Variants in PALLD observed in about 807,000 individuals in gnomAD.
PALLD encodes the protein palladin.
PALLD carries 61 observed loss-of-function variants against 123.5 expected under a neutral mutation model. The ratio of observed to expected loss-of-function variants is 0.49; its 90% CI spans 0.40 to 0.61. The LOEUF (loss-of-function observed/expected upper bound fraction) is 0.61. Ranked by LOEUF, PALLD falls within the 20% of genes least tolerant of loss-of-function variation. PALLD has a pLI of 0.00. For synonymous variants in PALLD, 465 were observed against 496.4 expected, an observed-to-expected ratio of 0.94 and a Z score of 0.84; for missense variants, 1,273 against 1,377.0, an observed-to-expected ratio of 0.92 and a Z score of 1.20.
At chr4:168,872,840 T>C (rs778004663) in intron 10 of PALLD, among the ~76,000 whole-genome samples, 33 of 152,344 alleles carry the variant, frequency 2.2e-4, no homozygotes, top group Non-Finnish European at 3.5e-4. Context: ...CTCTGAGTAA[T>C]AGAATTTTAA....
chr4:168,550,362 T>C (rs1766603303), intron 2 of PALLD, among the ~76,000 whole-genome samples: 1 of 152,182 alleles, frequency 6.6e-6, no homozygotes, highest in South Asian at 2.1e-4. Flanking sequence ...AATTACCATA[T>C]TCAAGTCATG....
At chr4:168,655,693 A>T (rs1389327896) in intron 2 of PALLD, among the ~76,000 whole-genome samples, 1 of 152,216 alleles carries the variant, frequency 6.6e-6, no homozygotes, top group African/African-American at 2.4e-5. Context: ...TCTTCCATTC[A>T]GTTTTCTCCT....
intron 10 of PALLD, among the ~76,000 whole-genome samples, chr4:168,886,097 A>C (rs1753293879): frequency 6.6e-6 from 1 of 152,238 alleles, no homozygotes; most frequent in Admixed American, 6.5e-5. Context: ...AATTAAATGT[A>C]CTAAGAAGCA....
rs587780755 is a variant in PALLD, at chr4:168,878,047, G to T, written c.1965-12875G>T. On this transcript the variant is annotated intron_variant, in intron 10 of 21. Transcript: ENST00000505667. ...GCCCCAGCTCGTCCAGCCTCCCGTC[G>T]CCCATGTCCCCGACGCCGAGGCAGT... The T allele has an allele frequency of 2.0e-6, 3 of 1,483,446 alleles. No homozygotes were observed. The highest frequency in any genetic ancestry group is 2.7e-6 in the Non-Finnish European group (3 of 1,123,252). The allele number at this position is 1,483,446 out of a possible 1,614,324, so 91.9% of individuals were successfully genotyped here. A position where few individuals can be genotyped will look rare whatever the true frequency, so the allele number is the denominator to read the frequency against.
At chr4:168,616,915 C>T (rs1774273897) in intron 2 of PALLD, among the ~76,000 whole-genome samples, 1 of 152,156 alleles carries the variant, frequency 6.6e-6, no homozygotes, top group Admixed American at 6.5e-5. Context: ...GCCCCTAAGT[C>T]TTGGCCAGGC....
chr4:168,815,732 G>A (rs537801878), intron 10 of PALLD, among the ~76,000 whole-genome samples: 1 of 152,192 alleles, frequency 6.6e-6, no homozygotes, highest in Admixed American at 6.5e-5. Context: ...GAATTAACAC[G>A]GTGGACGAGG....
chr4:168,824,516 T>C (rs1008211320), intron 10 of PALLD, among the ~76,000 whole-genome samples: 1 of 152,222 alleles, frequency 6.6e-6, no homozygotes, highest in African/African-American at 2.4e-5. Context: ...TCTTATAAAT[T>C]GACCAAATTT....
At chr4:168,695,300 G>T (rs1268779564) in intron 8 of PALLD, among the ~76,000 whole-genome samples, 1 of 152,184 alleles carries the variant, frequency 6.6e-6, no homozygotes, top group Non-Finnish European at 1.5e-5. Context: ...CCAGTAGATT[G>T]TATGCAGTAA....
At chr4:168,662,588 C>T (rs1052041150) in intron 2 of PALLD, among the ~76,000 whole-genome samples, 2 of 152,176 alleles carry the variant, frequency 1.3e-5, no homozygotes, top group Non-Finnish European at 2.9e-5. Flanking sequence ...ATACTTCATC[C>T]TATTTTGTAT....
At chr4:168,613,303 A>G (rs915176321) in intron 2 of PALLD, among the ~76,000 whole-genome samples, 1 of 152,188 alleles carries the variant, frequency 6.6e-6, no homozygotes, top group Non-Finnish European at 1.5e-5. Flanking sequence ...CTCAAGATGA[A>G]TAGAGACACC....
intron 10 of PALLD, among the ~76,000 whole-genome samples, chr4:168,753,164 A>G (rs530614023): frequency 6.6e-6 from 1 of 152,290 alleles, no homozygotes; most frequent in Admixed American, 6.5e-5. Context: ...AGCAAATGCT[A>G]GAGAAGACTC....
intron 10 of PALLD, among the ~76,000 whole-genome samples, chr4:168,738,651 G>A (rs1417976034): frequency 2.1e-5 from 3 of 142,756 alleles, no homozygotes; most frequent in South Asian, 2.3e-4. Context: ...GGCTGGCCTC[G>A]ATCTCCTGAC....
intron 1 of PALLD, among the ~76,000 whole-genome samples, chr4:168,509,953 T>G (rs576708639): frequency 9.2e-5 from 14 of 152,190 alleles, no homozygotes; most frequent in Non-Finnish European, 1.9e-4. Context: ...AATTAGAGAT[T>G]TTCTTAGATG....
rs76003530 is a variant in PALLD at position 168,892,964 on chromosome 4, C to A, written c.2101-1615C>A. On this transcript the variant is annotated intron_variant, in intron 11 of 21. Transcript: ENST00000505667. ...TTTAGAAAATGGGATTCTCAACCAA[C>A]TTTTTCCTAATATTATATATCATTC... 9.5e-4 allele frequency among the ~76,000 whole-genome samples: 144 copies of A among 152,266 alleles called. 3 individuals carry two copies. The East Asian group carries it at 0.025, about 26-fold the overall frequency.
At chr4:168,609,152 T>C (rs1273822217) in intron 2 of PALLD, among the ~76,000 whole-genome samples, 1 of 152,004 alleles carries the variant, frequency 6.6e-6, no homozygotes, top group Non-Finnish European at 1.5e-5. Context: ...GCCAGAATTA[T>C]GTTTACCTGT....
In PALLD at chr4:168,781,707, G is replaced by C. The variant is rs139318022; in HGVS notation, c.1964+69784G>C. ...ACCACTTTAGTAGGGCTGGTTACAA[G>C]GTAGGATACCAGGAGAGGAATATAG... On this transcript the variant is annotated intron_variant, in intron 10 of 21. Coordinates refer to ENST00000505667, the MANE Select transcript of PALLD (RefSeq NM_001166108.2). Among the ~76,000 whole-genome samples, 318 of 152,222 alleles carry C rather than the reference G, an allele frequency of 2.1e-3. 1 individual carries two copies. The highest frequency in any genetic ancestry group is 7.2e-3 in the African/African-American group (301 of 41,534).
chr4:168,849,517 G>A (rs1747424045), intron 10 of PALLD, among the ~76,000 whole-genome samples: 1 of 152,206 alleles, frequency 6.6e-6, no homozygotes, highest in Admixed American at 6.5e-5. Context: ...CAAATCTGGA[G>A]AGAACTGAAT....
At chr4:168,695,788 G>A (rs1221981543) in intron 8 of PALLD, among the ~76,000 whole-genome samples, 1 of 152,078 alleles carries the variant, frequency 6.6e-6, no homozygotes, top group African/African-American at 2.4e-5. Flanking sequence ...ACACTAAATT[G>A]TTTAGGCATA....
At chr4:168,598,491 TAGAGAGAGGAGC>T in intron 2 of PALLD, 2 of 539,930 alleles carry the variant, frequency 3.7e-6, no homozygotes, top group Non-Finnish European at 7.3e-6. Context: ...AGAGAAGAAC[TAGAGAGAGGAGC>T]AGAGAGAGGT....
Sources: allele counts gnomAD v4.1 joint callset (sites outside exome capture counted in the v4.1 genomes callset), GRCh38; gene constraint gnomAD v4.1.1; transcripts MANE v1.5; gene names NCBI Gene and HGNC (gene_info 2026-07-23, HGNC 2026-07-21).